The following SVEP1 variants were observed in gnomAD, a reference collection of about 807,000 sequenced individuals.
SVEP1 encodes sushi, von Willebrand factor type A, EGF and pentraxin domain-containing protein 1.
SVEP1 carries 164 observed loss-of-function variants against 367.3 expected under a neutral mutation model. The ratio of observed to expected loss-of-function variants is 0.45; its 90% confidence interval spans 0.39 to 0.51. SVEP1 has a LOEUF of 0.51. Ranked by LOEUF, SVEP1 falls within the 20% of genes least tolerant of loss-of-function variation. The pLI is 0.00. For missense variants in SVEP1, 4,117 were observed against 4,425.3 expected, an observed-to-expected ratio of 0.93 and a Z score of 1.98; for synonymous variants, 1,666 against 1,611.6, an observed-to-expected ratio of 1.03 and a Z score of -0.81.
At chr9:110,413,466 C>T (rs1179606468) in intron 36 of SVEP1, among the ~76,000 whole-genome samples, 2 of 150,626 alleles carry the variant, frequency 1.3e-5, no homozygotes, top group Admixed American at 1.3e-4. Flanking sequence ...GGGTGCAGTG[C>T]ACCAGCATGG....
At chr9:110,514,246 T>A in intron 3 of SVEP1, 140 bp from the exon 4 acceptor site, 1 of 1,115,312 alleles carries the variant, frequency 9.0e-7, no homozygotes, top group Non-Finnish European at 1.3e-6. Flanking sequence ...GTGTGGTGGC[T>A]CACGCCTGTA....
Position 110,479,709 on chromosome 9 carries a change from T to C in SVEP1, c.2413A>G (p.Lys805Glu). Residue 805 changes from lysine to glutamate, a missense_variant, in exon 13 of 48, where the codon AAA becomes GAA. Around this residue, in one of 4 missense-constraint regions of SVEP1, gnomAD observed 2,174 missense variants for 2,494.3 expected, o/e 0.87. Coordinates refer to ENST00000374469, the MANE Select transcript of SVEP1 (RefSeq NM_153366.4). ...TCTGTGTCATCACAACGAGCTGCTTTGTAGAACATCTCAAAGGACTTGAAC... is the reference window on the plus strand; with the variant it reads ...TCTGTGTCATCACAACGAGCTGCTTCGTAGAACATCTCAAAGGACTTGAAC... ...HGFKSFEMFY[K>E]AARCDDTDLM... 6.2e-7 allele frequency: 1 copy of C among 1,611,162 alleles called. No individual in the cohort carries two copies. Among genetic ancestry groups the C allele is most frequent in the Non-Finnish European group, 8.5e-7 (1 of 1,179,020 alleles).
intron 47 of SVEP1, among the ~76,000 whole-genome samples, chr9:110,368,194 A>AG (rs1052735181): frequency 1.3e-5 from 2 of 152,184 alleles, no homozygotes; most frequent in African/African-American, 4.8e-5. Flanking sequence ...GGAGGTGGAG[A>AG]GGTACACGTG....
In SVEP1 at chr9:110,465,918, G is replaced by T. The variant is rs753924810; in HGVS notation, c.3269C>A (p.Pro1090Gln). The T allele has an allele frequency of 2.5e-6, 4 of 1,612,852 alleles. No individual in the cohort carries two copies. The highest frequency in any genetic ancestry group is 3.4e-6 in the Non-Finnish European group (4 of 1,179,416). Residue 1090 changes from proline (P) to glutamine (Q), a missense_variant, in exon 18 of 48, where the codon CCA becomes CAA. Around this residue, in one of 4 missense-constraint regions of SVEP1, gnomAD observed 2,174 missense variants for 2,494.3 expected, o/e 0.87. Coordinates refer to ENST00000374469, the MANE Select transcript of SVEP1 (RefSeq NM_153366.4). ...KFGSRSCLSC[P>Q]ENTSTVKRGA... ...TCTTTTCACAGTTGAGGTGTTTTCT[G>T]GACACGAGAGGCAGCTCCGGGAACC...
chr9:110,459,150 G>T (rs373083554), intron 18 of SVEP1, 37 bp from the exon 19 acceptor site: 50 of 1,589,346 alleles, frequency 3.1e-5, no homozygotes, highest in Non-Finnish European at 3.4e-6. Flanking sequence ...TGCATATAAA[G>T]TAACACACCC....
intron 14 of SVEP1, chr9:110,475,943 T>C: frequency 3.0e-6 from 1 of 335,024 alleles, no homozygotes; most frequent in South Asian, 4.0e-5. Flanking sequence ...ATTTGAATTT[T>C]ACCAGCATAT....
At chr9:110,375,485 A>AAAAAAAAAG (rs1446154871) in intron 45 of SVEP1, 22 bp from the exon 46 acceptor site, 1 of 1,490,752 alleles carries the variant, frequency 6.7e-7, no homozygotes, top group South Asian at 1.3e-5. Flanking sequence ...AAAAAAAAAA[A>AAAAAAAAAG]AAAAAGGAGG....
Position 110,429,771 on chromosome 9 carries a change from T to C in SVEP1, c.5615+149A>G, listed in dbSNP as rs956604584. 16 of 626,180 alleles carry C rather than the reference T, an allele frequency of 2.6e-5. No individual in the cohort carries two copies. In the African/African-American group the frequency reaches 2.8e-4, roughly 11 times the overall value. 38.8% of individuals were successfully genotyped at this position (626,180 alleles called of 1,614,324 possible). A position where few individuals can be genotyped will look rare whatever the true frequency, so the allele number is the denominator to read the frequency against. ...ACCATTAAATTATTGGATTAAGATT[T>C]GTTCACACTATGTATCATTCGATTA... On this transcript the variant is annotated intron_variant, in intron 34 of 47. Transcript: ENST00000374469.
chr9:110,448,231 C>T (rs756489865), intron 24 of SVEP1, among the ~76,000 whole-genome samples: 12 of 152,078 alleles, frequency 7.9e-5, no homozygotes, highest in African/African-American at 2.9e-4. Flanking sequence ...TTAAAACTTA[C>T]GTCTTTAAAA....
At chr9:110,413,707 T>C (rs907467495) in intron 36 of SVEP1, among the ~76,000 whole-genome samples, 1 of 151,962 alleles carries the variant, frequency 6.6e-6, no homozygotes, top group African/African-American at 2.4e-5. Flanking sequence ...TCAAGTGTTC[T>C]GTCAATGAGA....
intron 8 of SVEP1, among the ~76,000 whole-genome samples, 154 bp downstream of exon 8, chr9:110,496,661 A>C (rs576292877): frequency 6.6e-6 from 1 of 152,274 alleles, no homozygotes; most frequent in South Asian, 2.1e-4. Context: ...TAATAAACTC[A>C]CTTTCATATA....
chr9:110,514,733 T>C (rs1829778843), intron 3 of SVEP1, among the ~76,000 whole-genome samples: 2 of 152,016 alleles, frequency 1.3e-5, no homozygotes, highest in Non-Finnish European at 2.9e-5. Context: ...TTATATTAAG[T>C]CACCAGGAGG....
At chr9:110,403,296 G>GTTTTTTTGTTTTTTTT (rs1827893440) in intron 39 of SVEP1, among the ~76,000 whole-genome samples, 1 of 43,454 alleles carries the variant, frequency 2.3e-5, no homozygotes, top group Admixed American at 3.9e-4. Context: ...CGCCACCGCC[G>GTTTTTTTGTTTTTTTT]TTTTTTTTTT....
intron 16 of SVEP1, among the ~76,000 whole-genome samples, chr9:110,470,735 C>T (rs1358707797): frequency 6.6e-6 from 1 of 150,538 alleles, no homozygotes; most frequent in Non-Finnish European, 1.5e-5. Flanking sequence ...CGAGCCTGGC[C>T]TCCACTTACT....
rs1409510418 is a variant in SVEP1 at position 110,375,354 on chromosome 9, T to G, written c.10600+14A>C. 1.2e-5 allele frequency: 18 copies of G among 1,539,426 alleles called. No individual in the cohort carries two copies. Among genetic ancestry groups the G allele is most frequent in the Non-Finnish European group, 1.6e-5 (18 of 1,143,508 alleles). On this transcript the variant is annotated intron_variant, in intron 46 of 47. Transcript: ENST00000374469. ...CCTGAGCCACCAAGAAAACAAACCATGAAAGAGGCCTACCTGTATGACAGC... is the reference window on the plus strand; with the variant it reads ...CCTGAGCCACCAAGAAAACAAACCAGGAAAGAGGCCTACCTGTATGACAGC...
intron 3 of SVEP1, among the ~76,000 whole-genome samples, chr9:110,536,679 G>T (rs1830083684): frequency 6.6e-6 from 1 of 151,836 alleles, no homozygotes; most frequent in South Asian, 2.1e-4. Context: ...GAAATAATAA[G>T]CAGGGTCTTT....
intron 46 of SVEP1, among the ~76,000 whole-genome samples, chr9:110,372,636 A>G (rs1164602688): frequency 6.6e-6 from 1 of 152,236 alleles, no homozygotes; most frequent in East Asian, 1.9e-4. Context: ...ACAAGTTTAG[A>G]GATCAGAGGA....
chr9:110,365,644 T>G lies in SVEP1; in HGVS notation c.*895A>C, dbSNP rs3739453. 32,312 of 152,186 alleles carry G rather than the reference T, an allele frequency of 0.21. 3,972 individuals are homozygous for G. Among genetic ancestry groups the G allele is most frequent in the Middle Eastern group, 0.35 (101 of 292 alleles). The allele number at this position is 152,186 out of a possible 1,614,324, so 9.4% of individuals were successfully genotyped here. ...CAGCTTTCTCTTAGGTGGCTGCAAT[T>G]CTTTTTTGCAGGTGAGACCAGGAGC... On this transcript the variant is annotated 3_prime_UTR_variant, in exon 48 of 48. Transcript: ENST00000374469.
In SVEP1 at chr9:110,549,906, A is replaced by T; in HGVS notation, c.730T>A (p.Tyr244Asn). The change falls in exon 2 of 48, where the codon TAC becomes AAC. Residue 244 changes from tyrosine to asparagine, a missense_variant. Transcript: ENST00000374469. ...MASTPKEEHCYLLHSFEEFEA... is the reference protein window; with the variant it reads ...MASTPKEEHCNLLHSFEEFEA... ...AATTCTTCAAAACTGTGTAGCAGGTAACAGTGCTCCTCCTTTGGGGTGGAA... is the reference window on the plus strand; with the variant it reads ...AATTCTTCAAAACTGTGTAGCAGGTTACAGTGCTCCTCCTTTGGGGTGGAA... 2 of 1,613,988 alleles carry T rather than the reference A, an allele frequency of 1.2e-6. No individual in the cohort carries two copies. The highest frequency in any genetic ancestry group is 1.7e-6 in the Non-Finnish European group (2 of 1,179,864).
Sources: gnomAD v4.1 joint callset for allele counts (sites outside exome capture counted in the v4.1 genomes callset) on GRCh38, gnomAD v4.1.1 for gene constraint, gnomAD v4.1.1 regional missense constraint, MANE v1.5 for transcripts, NCBI Gene and HGNC (gene_info 2026-07-23, HGNC 2026-07-21) for gene names.